PRDM4: variants seen among roughly 807,000 people sequenced by gnomAD.
PRDM4 encodes PR domain zinc finger protein 4.
In PRDM4, 38 loss-of-function variants were observed where a neutral mutation model predicts 62.3. The observed-to-expected ratio is 0.61, with a 90% CI of 0.47 to 0.80. PRDM4 has a LOEUF of 0.80. Among genes scored for constraint, PRDM4 ranks in the 30% least tolerant of loss-of-function variants. The probability of loss-of-function intolerance (pLI) is 0.00; values close to 1 mark genes in which losing one functional copy is unlikely to be tolerated. For synonymous variants in PRDM4, 339 were observed against 348.2 expected, an observed-to-expected ratio of 0.97 and a Z score of 0.30; for missense variants, 858 against 997.1, an observed-to-expected ratio of 0.86 and a Z score of 1.88.
chr12:107,742,914 CA>C (rs1158890304), intron 8 of PRDM4, among the ~76,000 whole-genome samples: 8 of 152,112 alleles, frequency 5.3e-5, no homozygotes, highest in Admixed American at 2.0e-4. Flanking sequence ...ATGCATATAC[CA>C]CAACACCCAG....
chr12:107,756,569 T>G (rs1168615576), intron 3 of PRDM4, among the ~76,000 whole-genome samples: 1 of 152,190 alleles, frequency 6.6e-6, no homozygotes, highest in African/African-American at 2.4e-5. Context: ...GCCAAGTTAA[T>G]TACAGCTCTG....
chr12:107,738,913 A>ACC (rs1023027018), intron 11 of PRDM4, among the ~76,000 whole-genome samples: 6 of 149,956 alleles, frequency 4.0e-5, no homozygotes, highest in African/African-American at 1.5e-4. Context: ...ACACACACAC[A>ACC]CCAACAGAAC....
Position 107,739,529 on chromosome 12 carries a change from G to A in PRDM4, c.1947C>T (p.Thr649=). 1 of 1,613,840 alleles carries A rather than the reference G, an allele frequency of 6.2e-7. No homozygotes were observed. Among genetic ancestry groups the A allele is most frequent in the Non-Finnish European group, 8.5e-7 (1 of 1,179,826 alleles). The change falls in exon 11 of 12, where the codon ACC becomes ACT. Residue 649 remains threonine, a synonymous_variant. Transcript: ENST00000228437. Reference sequence around the variant, plus strand: ...TCTGGGTGAAAGACTTGTCACACAAGGTACACCTGTAGTTCTTCTGACCTG... The same window carrying A: ...TCTGGGTGAAAGACTTGTCACACAAAGTACACCTGTAGTTCTTCTGACCTG... ...IHTGQKNYRC[T]LCDKSFTQKA...
chr12:107,746,963 C>T (rs1340325824), intron 5 of PRDM4, among the ~76,000 whole-genome samples: 2 of 151,872 alleles, frequency 1.3e-5, no homozygotes, highest in Admixed American at 6.6e-5. Context: ...GGACAAGTTT[C>T]CTATTCAGTG....
At chr12:107,755,797 C>T (rs1003658214) in intron 3 of PRDM4, among the ~76,000 whole-genome samples, 1 of 152,078 alleles carries the variant, frequency 6.6e-6, no homozygotes, top group Non-Finnish European at 1.5e-5. Flanking sequence ...TTTAAAAGTA[C>T]AGTGACGGCT....
At chr12:107,752,345 T>C (rs1194200163) in intron 4 of PRDM4, 136 bp from the exon 5 acceptor site, 3 of 695,178 alleles carry the variant, frequency 4.3e-6, no homozygotes, top group Non-Finnish European at 7.1e-6. Flanking sequence ...CGATACACAC[T>C]ATTTTATAAA....
chr12:107,756,978 A>G lies in PRDM4; in HGVS notation c.12-13T>C, dbSNP rs765662600. The G allele has an allele frequency of 6.8e-5, 109 of 1,613,492 alleles. 1 individual carries two copies. In the Admixed American group the frequency reaches 1.8e-3, roughly 27 times the overall value. ...CATTTCATTCATCCTAGAAAAGAGCACACACAACTAGTTATGCAAAAATTT... is the reference window on the plus strand; with the variant it reads ...CATTTCATTCATCCTAGAAAAGAGCGCACACAACTAGTTATGCAAAAATTT... On this transcript the variant is annotated splice_polypyrimidine_tract_variant and intron_variant, in intron 2 of 11. Coordinates refer to ENST00000228437, the MANE Select transcript of PRDM4 (RefSeq NM_012406.4).
In PRDM4 at chr12:107,734,024, A is replaced by T. The variant is rs760126057; in HGVS notation, c.*186T>A. On this transcript the variant is annotated 3_prime_UTR_variant, in exon 12 of 12. Transcript: ENST00000228437. ...AACAGGACACATGCTCAGTTTTCCC[A>T]ATCTGTTTTAAAGTGTTTTCATTAG... is the stretch of plus-strand genomic sequence containing the variant. 1.7e-6 allele frequency: 1 copy of T among 604,998 alleles called. No individual in the cohort carries two copies. Among genetic ancestry groups the T allele is most frequent in the Non-Finnish European group, 2.7e-6 (1 of 364,650 alleles). The allele number at this position is 604,998 out of a possible 1,614,324, so 37.5% of individuals were successfully genotyped here.
chr12:107,734,050 G>A lies in PRDM4; in HGVS notation c.*160C>T. The A allele has an allele frequency of 2.8e-6, 2 of 718,638 alleles. No homozygotes were observed. Among genetic ancestry groups the A allele is most frequent in the Non-Finnish European group, 4.4e-6 (2 of 450,116 alleles). 44.5% of individuals were successfully genotyped at this position (718,638 alleles called of 1,614,324 possible). Reference sequence around the variant, plus strand: ...ATCTGTTTTAAAGTGTTTTCATTAGGATACTCTTCTGTAAGTGCTTTATTC... The same window carrying A: ...ATCTGTTTTAAAGTGTTTTCATTAGAATACTCTTCTGTAAGTGCTTTATTC... On this transcript the variant is annotated 3_prime_UTR_variant, in exon 12 of 12. Transcript: ENST00000228437.
chr12:107,747,507 G>A (rs1290282535), intron 5 of PRDM4, among the ~76,000 whole-genome samples: 2 of 152,174 alleles, frequency 1.3e-5, no homozygotes, highest in African/African-American at 4.8e-5. Flanking sequence ...TATTCTTGCA[G>A]ACATTATTTG....
chr12:107,744,357 GTATGT>G (rs1261710391), intron 7 of PRDM4, among the ~76,000 whole-genome samples, 181 bp downstream of exon 7: 1 of 152,164 alleles, frequency 6.6e-6, no homozygotes, highest in Non-Finnish European at 1.5e-5. Flanking sequence ...GTGTTTTGCT[GTATGT>G]TATAATTTGG....
At chr12:107,739,759 A>C in intron 10 of PRDM4, 1 of 452,906 alleles carries the variant, frequency 2.2e-6, no homozygotes, top group South Asian at 4.8e-5. Context: ...AATTAATTTG[A>C]TCTCCTTTAG....
chr12:107,760,813 A>G, intron 1 of PRDM4, 42 bp from the exon 2 acceptor site: 1 of 340,462 alleles, frequency 2.9e-6, no homozygotes, highest in Non-Finnish European at 5.4e-6. Context: ...AACCACAACA[A>G]GGTCGCAGCC....
At chr12:107,746,590 T>C (rs1316798266) in intron 5 of PRDM4, among the ~76,000 whole-genome samples, 166 bp from the exon 6 acceptor site, 1 of 151,974 alleles carries the variant, frequency 6.6e-6, no homozygotes, top group Admixed American at 6.6e-5. Context: ...GTATAAGCGA[T>C]TCTCCTGTCT....
intron 5 of PRDM4, among the ~76,000 whole-genome samples, chr12:107,748,244 T>C (rs1193468041): frequency 1.3e-5 from 2 of 152,060 alleles, no homozygotes; most frequent in East Asian, 1.9e-4. Flanking sequence ...GTGGAGAAAT[T>C]AGAACCCTCA....
In PRDM4 at chr12:107,740,943, T is replaced by G. The variant is rs377671717; in HGVS notation, c.1924+3A>C. ...TCCATTCTGATGGGCCAACACAACT[T>G]ACCTGTATGTATCTTGAGGTGGGTC... On this transcript the variant is annotated splice_donor_region_variant and intron_variant, in intron 10 of 11. Transcript: ENST00000228437. The G allele has an allele frequency of 1.9e-6, 3 of 1,611,466 alleles. No homozygotes were observed. Among genetic ancestry groups the G allele is most frequent in the Non-Finnish European group, 2.5e-6 (3 of 1,178,198 alleles).
At chr12:107,753,616 A>C (rs905944475) in intron 4 of PRDM4, among the ~76,000 whole-genome samples, 1 of 152,176 alleles carries the variant, frequency 6.6e-6, no homozygotes, top group Non-Finnish European at 1.5e-5. Flanking sequence ...ATAACAAGAC[A>C]CTATAGTGCT....
intron 11 of PRDM4, chr12:107,739,008 A>C (rs766763940): frequency 1.1e-4 from 18 of 169,912 alleles, no homozygotes; most frequent in Non-Finnish European, 1.9e-4. Flanking sequence ...AATAGGACCA[A>C]AGGTTCTCCA....
chr12:107,735,763 T>C (rs1890308334), intron 11 of PRDM4, among the ~76,000 whole-genome samples: 1 of 130,836 alleles, frequency 7.6e-6, no homozygotes, highest in African/African-American at 3.0e-5. Context: ...TTTTTAGCTT[T>C]TTTTTTTTTT....
Sources: gnomAD v4.1 joint callset for allele counts (sites outside exome capture counted in the v4.1 genomes callset) on GRCh38, gnomAD v4.1.1 for gene constraint, MANE v1.5 for transcripts, NCBI Gene and HGNC (gene_info 2026-07-23, HGNC 2026-07-21) for gene names.